FSTL5: variants seen among roughly 807,000 people sequenced by gnomAD.
FSTL5 encodes follistatin-related protein 5.
Under a neutral mutation model 89.1 loss-of-function variants are expected in FSTL5, and 62 were observed. That is an observed-to-expected ratio of 0.70 (90% CI 0.57 to 0.86). FSTL5 has a LOEUF of 0.86. Ranked by LOEUF, FSTL5 falls within the 40% of genes least tolerant of loss-of-function variation. FSTL5 has a pLI of 0.00. For missense variants in FSTL5, 1,057 were observed against 1,001.6 expected (o/e 1.06, Z -0.75); for synonymous variants, 383 against 346.2 (o/e 1.11, Z -1.18).
chr4:162,112,967 C>T (rs1004395284), intron 1 of FSTL5, among the ~76,000 whole-genome samples: 1 of 152,056 alleles, frequency 6.6e-6, no homozygotes, highest in Non-Finnish European at 1.5e-5. Context: ...GTGAAAACTC[C>T]TCAGTCCTTT....
intron 2 of FSTL5, among the ~76,000 whole-genome samples, chr4:162,048,840 T>G (rs1203372494): frequency 6.6e-6 from 1 of 152,130 alleles, no homozygotes; most frequent in Admixed American, 6.6e-5. Flanking sequence ...GGGTTCCAAA[T>G]TAAAAGAGGT....
intron 6 of FSTL5, among the ~76,000 whole-genome samples, chr4:161,663,097 T>G (rs1736771978): frequency 2.0e-5 from 3 of 152,050 alleles, no homozygotes; most frequent in Non-Finnish European, 4.4e-5. Flanking sequence ...CCTGGGTCCC[T>G]CCTACAACAC....
chr4:161,911,310 T>C (rs2110829846), intron 4 of FSTL5, among the ~76,000 whole-genome samples: 1 of 152,210 alleles, frequency 6.6e-6, no homozygotes, highest in South Asian at 2.1e-4. Context: ...CCAAACGTCT[T>C]ATTCAGGGTA....
Position 162,013,636 on chromosome 4 carries a change from A to G in FSTL5, c.160+19989T>C, listed in dbSNP as rs139016944. 7.6e-4 allele frequency among the ~76,000 whole-genome samples: 115 copies of G among 152,200 alleles called. 1 individual carries two copies. The highest frequency in any genetic ancestry group is 2.7e-3 in the African/African-American group (113 of 41,514). On this transcript the variant is annotated intron_variant, in intron 3 of 15. Transcript: ENST00000306100. ...TTATTCTTCTCTGCCTTGATGACTT[A>G]GGTTTTACAGGTTGGGATCATGGCA...
intron 15 of FSTL5, among the ~76,000 whole-genome samples, chr4:161,453,187 T>C (rs1733231683): frequency 1.3e-5 from 2 of 152,182 alleles, no homozygotes; most frequent in Admixed American, 6.5e-5. Flanking sequence ...AGTAGTGTCA[T>C]ACACACTAAA....
intron 7 of FSTL5, among the ~76,000 whole-genome samples, chr4:161,639,339 A>G (rs2126666190): frequency 6.6e-6 from 1 of 152,322 alleles, no homozygotes; most frequent in Non-Finnish European, 1.5e-5. Context: ...ACTTTGCATA[A>G]GCTACCTATC....
chr4:161,682,758 A>T lies in FSTL5; in HGVS notation c.728-26264T>A, dbSNP rs181449591. Among the ~76,000 whole-genome samples, 686 of 148,670 alleles carry T rather than the reference A, an allele frequency of 4.6e-3. 2 individuals carry two copies. The highest frequency in any genetic ancestry group is 7.4e-3 in the Admixed American group (112 of 15,036). ...TACAGTTAACTTTCCTTTTTTTTTTATTTTTTGAGATGGAGTCTCACTCTT... is the reference window on the plus strand; with the variant it reads ...TACAGTTAACTTTCCTTTTTTTTTTTTTTTTTGAGATGGAGTCTCACTCTT... On this transcript the variant is annotated intron_variant, in intron 6 of 15. Coordinates refer to ENST00000306100, the MANE Select transcript of FSTL5 (RefSeq NM_020116.5).
At chr4:161,955,276 C>T (rs1000918875) in intron 3 of FSTL5, among the ~76,000 whole-genome samples, 2 of 151,412 alleles carry the variant, frequency 1.3e-5, no homozygotes, top group African/African-American at 4.8e-5. Context: ...GATTATGTAC[C>T]TAAACACAGA....
chr4:161,951,533 G>A (rs1734895095), intron 3 of FSTL5, among the ~76,000 whole-genome samples: 1 of 152,054 alleles, frequency 6.6e-6, no homozygotes. Flanking sequence ...AGAGTAAAAA[G>A]TACTATTATT....
intron 6 of FSTL5, among the ~76,000 whole-genome samples, chr4:161,685,257 A>G (rs1737673866): frequency 6.6e-6 from 1 of 152,050 alleles, no homozygotes; most frequent in Non-Finnish European, 1.5e-5. Context: ...TATGAATTTT[A>G]GGATTGTGTT....
intron 7 of FSTL5, among the ~76,000 whole-genome samples, chr4:161,615,175 TC>T (rs1201828992): frequency 6.6e-6 from 1 of 151,092 alleles, no homozygotes; most frequent in Non-Finnish European, 1.5e-5. Flanking sequence ...GCGCCTGTAG[TC>T]CCAGCTACTC....
At chr4:162,018,186 A>T (rs904698920) in intron 3 of FSTL5, among the ~76,000 whole-genome samples, 3 of 152,148 alleles carry the variant, frequency 2.0e-5, no homozygotes, top group African/African-American at 7.2e-5. Flanking sequence ...TAAATGGTAG[A>T]AAGGGCATGT....
chr4:161,771,561 T>C (rs539116255), intron 5 of FSTL5, among the ~76,000 whole-genome samples: 1 of 152,236 alleles, frequency 6.6e-6, no homozygotes, highest in East Asian at 1.9e-4. Context: ...AAAAATATCC[T>C]AGGATTTCAT....
intron 3 of FSTL5, among the ~76,000 whole-genome samples, chr4:161,941,980 AAG>A (rs1281954556): frequency 1.3e-5 from 2 of 151,956 alleles, no homozygotes; most frequent in Non-Finnish European, 2.9e-5. Flanking sequence ...AGAAATAAAT[AAG>A]AGAAAAACCT....
intron 12 of FSTL5, among the ~76,000 whole-genome samples, chr4:161,492,565 T>C (rs1729918704): frequency 6.6e-6 from 1 of 152,144 alleles, no homozygotes; most frequent in Admixed American, 6.6e-5. Flanking sequence ...ATAGCATAGC[T>C]CATGGTACAA....
intron 8 of FSTL5, among the ~76,000 whole-genome samples, chr4:161,571,785 T>C (rs1437869411): frequency 6.6e-6 from 1 of 152,060 alleles, no homozygotes. Context: ...GTGGAGTGCA[T>C]TTCGTAAACA....
chr4:161,920,709 A>G, intron 3 of FSTL5, 57 bp from the exon 4 acceptor site: 1 of 1,495,952 alleles, frequency 6.7e-7, no homozygotes, highest in Non-Finnish European at 9.1e-7. Flanking sequence ...AATAATATAT[A>G]TATTTCAGAG....
At chr4:162,159,171 G>A (rs745523902) in intron 1 of FSTL5, among the ~76,000 whole-genome samples, 2 of 151,936 alleles carry the variant, frequency 1.3e-5, no homozygotes, top group Non-Finnish European at 2.9e-5. Context: ...AATATCTAGT[G>A]GTCCAACTAC....
intron 8 of FSTL5, among the ~76,000 whole-genome samples, chr4:161,550,600 T>TTAC: frequency 2.7e-5 from 4 of 147,888 alleles, no homozygotes; most frequent in South Asian, 2.2e-4. Flanking sequence ...TTTATTATTA[T>TTAC]ACTTTAAGTT....
Sources: allele counts gnomAD v4.1 joint callset (sites outside exome capture counted in the v4.1 genomes callset), GRCh38; gene constraint gnomAD v4.1.1; transcripts MANE v1.5; gene names NCBI Gene and HGNC (gene_info 2026-07-23, HGNC 2026-07-21).